NNMT: variants seen among roughly 807,000 people sequenced by gnomAD.
The protein encoded by NNMT is nicotinamide N-methyltransferase.
A neutral mutation model predicts 11.7 loss-of-function variants in NNMT; 10 were observed. That is an observed-to-expected ratio of 0.85 (90% CI 0.53 to 1.45). The LOEUF is 1.45. NNMT is among the 40% of genes most tolerant of loss of function. The pLI is 0.00. For synonymous variants in NNMT, 143 were observed against 133.8 expected (o/e 1.07, Z -0.48); for missense variants, 381 against 319.4 (o/e 1.19, Z -1.47).
In NNMT at chr11:114,304,830, T is replaced by C. The variant is rs571166161; in HGVS notation, c.362+6672T>C. ...GACTGGCTGGCAGAGTGACACTCTG[T>C]CTCAAAAATAATAAAAAATAATAAT... On this transcript the variant is annotated intron_variant, in intron 2 of 2. Transcript: ENST00000299964. Among the ~76,000 whole-genome samples, 21 of 152,154 alleles carry C rather than the reference T, an allele frequency of 1.4e-4. No homozygotes were observed. The South Asian group carries it at 4.4e-3, about 32-fold the overall frequency.
chr11:114,298,881 T>C (rs114296565), intron 2 of NNMT, among the ~76,000 whole-genome samples: 184 of 152,312 alleles, frequency 1.2e-3, no homozygotes, highest in African/African-American at 4.3e-3. Flanking sequence ...ACGCCTGCAA[T>C]TCACTGTCTT....
chr11:114,312,160 G>T lies in NNMT; in HGVS notation c.478G>T (p.Val160Leu). The T allele has an allele frequency of 6.2e-7, 1 of 1,614,190 alleles. No individual in the cohort carries two copies. The highest frequency in any genetic ancestry group is 2.2e-5 in the East Asian group (1 of 44,884). ...GAVPLPPADCVLSTLCLDAAC... is the reference protein window; with the variant it reads ...GAVPLPPADCLLSTLCLDAAC... ...CGTCCCCTTACCCCCGGCTGACTGC[G>T]TGCTCAGCACACTGTGTCTGGATGC... Residue 160 changes from valine (V) to leucine (L), a missense_variant, in exon 3 of 3, where the codon GTG becomes TTG. Transcript: ENST00000299964.
chr11:114,291,453 A>G (rs1439612966), upstream of NNMT, among the ~76,000 whole-genome samples: 1 of 152,208 alleles, frequency 6.6e-6, no homozygotes, highest in African/African-American at 2.4e-5. Flanking sequence ...CTGGAGGGAC[A>G]TGCAAGGCTT....
chr11:114,277,347 G>A (rs924615967), intron 2 of NNMT, among the ~76,000 whole-genome samples: 9 of 152,206 alleles, frequency 5.9e-5, no homozygotes, highest in Admixed American at 3.9e-4. Context: ...AAATAATTAT[G>A]TGTGTGATGT....
At chr11:114,306,531 T>C (rs1326129029) in intron 2 of NNMT, among the ~76,000 whole-genome samples, 2 of 152,128 alleles carry the variant, frequency 1.3e-5, no homozygotes, top group Admixed American at 6.5e-5. Context: ...TTGCATAAGG[T>C]GTAAGGAAGG....
At chr11:114,284,267 G>T (rs987147539) in intron 2 of NNMT, among the ~76,000 whole-genome samples, 1 of 152,162 alleles carries the variant, frequency 6.6e-6, no homozygotes, top group African/African-American at 2.4e-5. Flanking sequence ...CTGGTACCTG[G>T]CTCTGCCAAA....
At position 114,312,217 on chromosome 11, in the gene NNMT, G is replaced by T; in HGVS notation, c.535G>T (p.Ala179Ser). The change falls in exon 3 of 3, where the codon GCG becomes TCG. Residue 179 changes from alanine (A) to serine (S), a missense_variant. By Grantham distance (99) the Ala-to-Ser change is moderately conservative. Coordinates refer to ENST00000299964, the MANE Select transcript of NNMT (RefSeq NM_006169.3). ...ACPDLPTYCR[A>S]LRNLGSLLKP... The stretch of plus-strand genomic sequence containing the variant: ...CCCAGACCTCCCCACCTACTGCAGG[G>T]CGCTCAGGAACCTCGGCAGCCTACT... 7.4e-6 allele frequency: 12 copies of T among 1,614,170 alleles called. No individual in the cohort carries two copies. Among genetic ancestry groups the T allele is most frequent in the Non-Finnish European group, 1.0e-5 (12 of 1,180,036 alleles).
chr11:114,264,646 A>T (rs2135242174), intron 2 of NNMT, among the ~76,000 whole-genome samples: 1 of 152,224 alleles, frequency 6.6e-6, no homozygotes, highest in South Asian at 2.1e-4. Flanking sequence ...GTCCCACAAA[A>T]GCGCCTCCCA....
At chr11:114,288,558 A>G (rs1013768406) in intron 2 of NNMT, among the ~76,000 whole-genome samples, 1 of 152,096 alleles carries the variant, frequency 6.6e-6, no homozygotes, top group Non-Finnish European at 1.5e-5. Flanking sequence ...ATTCCTGGGA[A>G]ACACTCACCT....
intron 2 of NNMT, among the ~76,000 whole-genome samples, chr11:114,264,071 T>G (rs1188786503): frequency 6.6e-6 from 1 of 152,108 alleles, no homozygotes; most frequent in East Asian, 1.9e-4. Flanking sequence ...CAGCTCCTCC[T>G]CTTGGGCTCT....
rs536720517 is a variant in NNMT at position 114,272,359 on chromosome 11, G to A, written c.-130+9425G>A. On this transcript the variant is annotated intron_variant, in intron 2 of 4. Coordinates refer to the NNMT transcript ENST00000535401. Reference sequence around the variant, plus strand: ...CTTCAACCTTGCAGGAGGTCTGTGGGTGCTCAGGGTAGCTGTGAAAACTTT... The same window carrying A: ...CTTCAACCTTGCAGGAGGTCTGTGGATGCTCAGGGTAGCTGTGAAAACTTT... Among the ~76,000 whole-genome samples the A allele has an allele frequency of 1.8e-3, 276 of 152,296 alleles. 2 individuals carry two copies. The highest frequency in any genetic ancestry group is 6.3e-3 in the African/African-American group (261 of 41,546).
chr11:114,276,225 G>C (rs1339321129), intron 2 of NNMT, among the ~76,000 whole-genome samples: 3 of 151,990 alleles, frequency 2.0e-5, no homozygotes, highest in African/African-American at 4.8e-5. Flanking sequence ...ACATGGTGGG[G>C]GACAAGAGGT....
Position 114,312,708 on chromosome 11 carries a change from C to A in NNMT, c.*231C>A. On this transcript the variant is annotated 3_prime_UTR_variant, in exon 3 of 3. Transcript: ENST00000299964. ...AAAGATGAGCAATTAGTATTCCAGTCTTCATTGCCTGTGCTTACAAAAGAA... is the reference window on the plus strand; with the variant it reads ...AAAGATGAGCAATTAGTATTCCAGTATTCATTGCCTGTGCTTACAAAAGAA... 1 of 514,068 alleles carries A rather than the reference C, an allele frequency of 1.9e-6. No individual in the cohort carries two copies. Among genetic ancestry groups the A allele is most frequent in the Non-Finnish European group, 3.4e-6 (1 of 290,970 alleles). 31.8% of individuals were successfully genotyped at this position (514,068 alleles called of 1,614,324 possible). A position where few individuals can be genotyped will look rare whatever the true frequency, so the allele number is the denominator to read the frequency against.
At chr11:114,269,649 C>T (rs557112154) in intron 2 of NNMT, among the ~76,000 whole-genome samples, 1 of 152,190 alleles carries the variant, frequency 6.6e-6, no homozygotes, top group South Asian at 2.1e-4. Context: ...TAGCTACTGC[C>T]CTGTCTTTCT....
At chr11:114,284,528 A>G (rs1000863972) in intron 2 of NNMT, among the ~76,000 whole-genome samples, 15 of 151,590 alleles carry the variant, frequency 9.9e-5, no homozygotes, top group Admixed American at 5.3e-4. Flanking sequence ...CAGTGGTGCT[A>G]TCTTGGCTCA....
At chr11:114,287,776 A>T (rs755067833) in intron 2 of NNMT, among the ~76,000 whole-genome samples, 3 of 152,184 alleles carry the variant, frequency 2.0e-5, no homozygotes, top group Non-Finnish European at 4.4e-5. Context: ...TCACCAAAAA[A>T]CTATTGGGAT....
intron 2 of NNMT, among the ~76,000 whole-genome samples, chr11:114,275,944 C>G (rs1012455800): frequency 6.6e-6 from 1 of 152,166 alleles, no homozygotes; most frequent in Non-Finnish European, 1.5e-5. Context: ...GCTGGCCACT[C>G]TTTCCATTTC....
At chr11:114,298,204 T>A in intron 2 of NNMT, 46 bp downstream of exon 2, 1 of 1,553,994 alleles carries the variant, frequency 6.4e-7, no homozygotes, top group Non-Finnish European at 8.9e-7. Context: ...GGTACCTGAG[T>A]GATGGTTGGC....
chr11:114,268,745 G>T (rs1289287725), intron 2 of NNMT, among the ~76,000 whole-genome samples: 1 of 135,598 alleles, frequency 7.4e-6, no homozygotes, highest in Admixed American at 8.1e-5. Flanking sequence ...CTCCAGCCTG[G>T]ACGATGGAGC....
Sources: gnomAD v4.1 joint callset for allele counts (sites outside exome capture counted in the v4.1 genomes callset) on GRCh38, gnomAD v4.1.1 for gene constraint, MANE v1.5 for transcripts, NCBI Gene and HGNC (gene_info 2026-07-23, HGNC 2026-07-21) for gene names.